DEFB131B: variants seen among roughly 807,000 people sequenced by gnomAD.
The protein encoded by DEFB131B is beta-defensin 131B.
DEFB131B carries 2 observed loss-of-function variants against 2.1 expected under a neutral mutation model. The ratio of observed to expected loss-of-function variants is 0.94; its 90% CI spans 0.38 to 2.95. DEFB131B has a LOEUF of 2.95. DEFB131B is among the 30% of genes most tolerant of loss of function. DEFB131B has a pLI of 0.09. For synonymous variants in DEFB131B, 26 were observed against 25.8 expected (o/e 1.01, Z -0.03); for missense variants, 77 against 78.5 (o/e 0.98, Z 0.07).
chr11:71,884,292 T>C (rs1313582053), intron 1 of DEFB131B, 115 bp from the exon 2 acceptor site: 5 of 1,247,056 alleles, frequency 4.0e-6, no homozygotes, highest in Non-Finnish European at 5.3e-6. Flanking sequence ...TGCTGTTGTT[T>C]TTGTTTTTCT....
At chr11:71,884,384 T>A in intron 1 of DEFB131B, 23 bp from the exon 2 acceptor site, 1 of 1,558,642 alleles carries the variant, frequency 6.4e-7, no homozygotes, top group Non-Finnish European at 8.7e-7. Flanking sequence ...TTGTGTCATA[T>A]AATTTGTCTT....
chr11:71,878,491 G>C lies in DEFB131B; in HGVS notation c.39G>C (p.Leu13Phe). ...VLFFVFGVLSLMSTVPPTRSF... is the reference protein window; with the variant it reads ...VLFFVFGVLSFMSTVPPTRSF... Reference sequence around the variant, plus strand: ...TTTTTGTCTTTGGAGTCCTTTCCTTGATGTCCACAGTTCCTCCAAGTAAGG... The same window carrying C: ...TTTTTGTCTTTGGAGTCCTTTCCTTCATGTCCACAGTTCCTCCAAGTAAGG... The change falls in exon 1 of 2, where the codon TTG becomes TTC. Residue 13 changes from leucine (L) to phenylalanine (F), a missense_variant. Leu to Phe is a conservative substitution (Grantham distance 22). Transcript: ENST00000530210. 1.2e-6 allele frequency: 2 copies of C among 1,611,430 alleles called. No homozygotes were observed. The highest frequency in any genetic ancestry group is 1.7e-6 in the Non-Finnish European group (2 of 1,179,750).
At chr11:71,881,152 C>G (rs1168317534) in intron 1 of DEFB131B, among the ~76,000 whole-genome samples, 1 of 152,182 alleles carries the variant, frequency 6.6e-6, no homozygotes, top group African/African-American at 2.4e-5. Context: ...GTATCTCTCT[C>G]TTTAGCTCTA....
At chr11:71,879,039 T>A (rs533396885) in intron 1 of DEFB131B, among the ~76,000 whole-genome samples, 2 of 152,234 alleles carry the variant, frequency 1.3e-5, no homozygotes, top group East Asian at 3.9e-4. Flanking sequence ...ACTTGAGAGT[T>A]GTGTTTGATC....
At chr11:71,882,832 A>T (rs1378611572) in intron 1 of DEFB131B, among the ~76,000 whole-genome samples, 2 of 152,084 alleles carry the variant, frequency 1.3e-5, no homozygotes, top group Non-Finnish European at 1.5e-5. Flanking sequence ...AAATGACATA[A>T]TTTTTTTGTA....
At chr11:71,884,305 G>T in intron 1 of DEFB131B, 102 bp from the exon 2 acceptor site, 2 of 1,301,660 alleles carry the variant, frequency 1.5e-6, no homozygotes, top group Non-Finnish European at 2.0e-6. Flanking sequence ...GTTTTTCTGG[G>T]AAAGTTCTGT....
intron 1 of DEFB131B, 88 bp downstream of exon 1, chr11:71,878,598 G>C: frequency 1.4e-6 from 2 of 1,391,200 alleles, no homozygotes; most frequent in Non-Finnish European, 2.0e-6. Context: ...AATAAATTAG[G>C]CATGGGCAGA....
At chr11:71,881,898 AGT>A (rs568398521) in intron 1 of DEFB131B, among the ~76,000 whole-genome samples, 8 of 152,214 alleles carry the variant, frequency 5.3e-5, no homozygotes, top group Admixed American at 3.3e-4. Flanking sequence ...TGTGTAATGA[AGT>A]ATCAGGAGGA....
chr11:71,879,808 T>A (rs1952548857), intron 1 of DEFB131B, among the ~76,000 whole-genome samples: 2 of 152,182 alleles, frequency 1.3e-5, no homozygotes, highest in Non-Finnish European at 1.5e-5. Context: ...TATATTCCTA[T>A]TCTGGACATT....
intron 1 of DEFB131B, among the ~76,000 whole-genome samples, chr11:71,881,440 A>G (rs966947312): frequency 4.6e-5 from 7 of 152,324 alleles, no homozygotes; most frequent in Non-Finnish European, 8.8e-5. Flanking sequence ...TTATAAGTCT[A>G]AGATCAAGAC....
intron 1 of DEFB131B, among the ~76,000 whole-genome samples, chr11:71,880,201 T>C (rs1357112071): frequency 1.3e-5 from 2 of 152,198 alleles, no homozygotes; most frequent in East Asian, 1.9e-4. Flanking sequence ...CAGTTTAATA[T>C]GTATTTATTA....
rs750427126 is a variant in DEFB131B at position 71,884,379 on chromosome 11, T to C, written c.59-28T>C. 66 of 1,551,506 alleles carry C rather than the reference T, an allele frequency of 4.3e-5. 1 individual carries two copies. In the South Asian group the frequency reaches 7.9e-4, roughly 18 times the overall value. ...AACATAAAAAGTAAGTAATATTGTG[T>C]CATATAATTTGTCTTCTCTTTTTAA... is the stretch of plus-strand genomic sequence containing the variant. On this transcript the variant is annotated intron_variant, in intron 1 of 1. Coordinates refer to ENST00000530210, the MANE Select transcript of DEFB131B (RefSeq NM_001242853.1).
At chr11:71,880,057 AG>A (rs1179543898) in intron 1 of DEFB131B, among the ~76,000 whole-genome samples, 1 of 152,180 alleles carries the variant, frequency 6.6e-6, no homozygotes, top group African/African-American at 2.4e-5. Context: ...ACATTCACGG[AG>A]GAAAAGTATA....
chr11:71,884,361 A>G, intron 1 of DEFB131B, 46 bp from the exon 2 acceptor site: 1 of 1,484,918 alleles, frequency 6.7e-7, no homozygotes, highest in Non-Finnish European at 9.0e-7. Context: ...TTAAACATAA[A>G]AAGTAAGTAA....
intron 1 of DEFB131B, among the ~76,000 whole-genome samples, chr11:71,881,373 G>C (rs567851): frequency 0.13 from 19,459 of 152,062 alleles, 2,562 homozygotes; most frequent in African/African-American, 0.32. Context: ...TCATAATAAA[G>C]TACCACATAA....
intron 1 of DEFB131B, among the ~76,000 whole-genome samples, chr11:71,881,742 A>C (rs1001080413): frequency 1.3e-5 from 2 of 152,228 alleles, no homozygotes; most frequent in African/African-American, 4.8e-5. Flanking sequence ...CAATGAATTC[A>C]TCAATAGACT....
intron 1 of DEFB131B, 156 bp from the exon 2 acceptor site, chr11:71,884,251 C>A: frequency 1.2e-6 from 1 of 820,364 alleles, no homozygotes; most frequent in Non-Finnish European, 1.8e-6. Flanking sequence ...TGTCTTTATT[C>A]AGCATCTCCA....
chr11:71,881,359 G>T (rs887092816), intron 1 of DEFB131B, among the ~76,000 whole-genome samples: 3 of 152,094 alleles, frequency 2.0e-5, no homozygotes, highest in Non-Finnish European at 2.9e-5. Context: ...TTGCTATAGG[G>T]TTATCATAAT....
intron 1 of DEFB131B, among the ~76,000 whole-genome samples, chr11:71,882,401 T>G (rs1206124959): frequency 2.6e-5 from 4 of 152,150 alleles, no homozygotes. Context: ...CTGGCTAATT[T>G]TGTATTTTTA....
Sources: allele counts gnomAD v4.1 joint callset (sites outside exome capture counted in the v4.1 genomes callset), GRCh38; gene constraint gnomAD v4.1.1; transcripts MANE v1.5; gene names NCBI Gene and HGNC (gene_info 2026-07-23, HGNC 2026-07-21).